The following GALE variants were observed in gnomAD, a reference collection of about 807,000 sequenced individuals.
GALE encodes the protein UDP-galactose-4-epimerase.
A neutral mutation model predicts 44.1 loss-of-function variants in GALE; 32 were observed. That is an observed-to-expected ratio of 0.73 (90% confidence interval 0.55 to 0.97). The LOEUF (loss-of-function observed/expected upper bound fraction) is 0.97, where lower values mean the gene tolerates loss of function less well. GALE is among the 50% of genes least tolerant of loss of function. The probability of loss-of-function intolerance (pLI) is 0.00; values close to 1 mark genes in which losing one functional copy is unlikely to be tolerated. For synonymous variants in GALE, 182 were observed against 183.5 expected (o/e 0.99, Z 0.06); for missense variants, 423 against 455.6 (o/e 0.93, Z 0.65).
chr1:23,796,570 G>A lies in GALE; in HGVS notation c.812C>T (p.Thr271Met), dbSNP rs756331486. 93 of 1,613,930 alleles carry A rather than the reference G, an allele frequency of 5.8e-5. No individual in the cohort carries two copies. Among genetic ancestry groups the A allele is most frequent in the Non-Finnish European group, 7.0e-5 (83 of 1,180,022 alleles). ...QCGCRIYNLG[T>M]GTGYSVLQMV... is the part of the protein sequence containing the mutation. The stretch of plus-strand genomic sequence containing the variant: ...CTGCAGCACTGAATAGCCTGTGCCC[G>A]TGCCCAGGTTGTAGATCTGGCCCAC... Residue 271 changes from threonine (T) to methionine (M), a missense_variant, in exon 10 of 12, where the codon ACG becomes ATG. Coordinates refer to ENST00000617979, the MANE Select transcript of GALE (RefSeq NM_001008216.2). The surrounding 1 kb of genome is among the most constrained non-coding windows in gnomAD (Gnocchi z 5.2).
In GALE at chr1:23,796,023, G is replaced by A. The variant is rs559590747; in HGVS notation, c.989-16C>T. ...AGATCCTCACCTGCAACACGGCGAGGTGTGTGCTCAGGGCCCACGGTGGAA... is the reference window on the plus strand; with the variant it reads ...AGATCCTCACCTGCAACACGGCGAGATGTGTGCTCAGGGCCCACGGTGGAA... On this transcript the variant is annotated splice_polypyrimidine_tract_variant and intron_variant, in intron 11 of 11. Transcript: ENST00000617979. This position sits in a 1 kb window ranked among gnomAD's most constrained non-coding sequence, Gnocchi z 5.2. The A allele has an allele frequency of 1.9e-6, 3 of 1,613,812 alleles. No homozygotes were observed. The highest frequency in any genetic ancestry group is 2.5e-6 in the Non-Finnish European group (3 of 1,179,856).
At position 23,798,193 on chromosome 1, in the gene GALE, T is replaced by C. The variant is rs1639022455; in HGVS notation, c.275A>G (p.Lys92Arg). 1 of 1,614,052 alleles carries C rather than the reference T, an allele frequency of 6.2e-7. No individual in the cohort carries two copies. Among genetic ancestry groups the C allele is most frequent in the Non-Finnish European group, 8.5e-7 (1 of 1,180,016 alleles). ...FMAVIHFAGL[K>R]AVGESVQKPL... The stretch of plus-strand genomic sequence containing the variant: ...CTTCTGCACCGACTCGCCCACGGCC[T>C]TGAGCCCCGCAAAGTGGATGACCGC... The change falls in exon 5 of 12, where the codon AAG (lysine) becomes AGG (arginine). Residue 92 changes from lysine to arginine, a missense_variant. Lys to Arg is a conservative substitution (Grantham distance 26). Coordinates refer to ENST00000617979, the MANE Select transcript of GALE (RefSeq NM_001008216.2). This position sits in a 1 kb window ranked among gnomAD's most constrained non-coding sequence, Gnocchi z 4.5.
At position 23,798,078 on chromosome 1, in the gene GALE, C is replaced by T. The variant is rs1639018459; in HGVS notation, c.351+39G>A. 2.0e-6 allele frequency: 3 copies of T among 1,530,050 alleles called. No individual in the cohort carries two copies. Among genetic ancestry groups the T allele is most frequent in the East Asian group, 2.2e-5 (1 of 44,498 alleles). The allele number at this position is 1,530,050 out of a possible 1,614,324, so 94.8% of individuals were successfully genotyped here. A position where few individuals can be genotyped will look rare whatever the true frequency, so the allele number is the denominator to read the frequency against. On this transcript the variant is annotated intron_variant, in intron 5 of 11. Coordinates refer to ENST00000617979, the MANE Select transcript of GALE (RefSeq NM_001008216.2). This position sits in a 1 kb window ranked among gnomAD's most constrained non-coding sequence, Gnocchi z 4.5. ...CCTGCCAGGCTGGGGTCCAGCTGGACACCCTCCTAGTGTCTGTGCCCTGTC... is the reference window on the plus strand; with the variant it reads ...CCTGCCAGGCTGGGGTCCAGCTGGATACCCTCCTAGTGTCTGTGCCCTGTC...
chr1:23,796,734 G>A lies in GALE; in HGVS notation c.758C>T (p.Ala253Val). The change falls in exon 9 of 12, where the codon GCA becomes GTA. Residue 253 changes from alanine (A) to valine (V), a missense_variant. Ala to Val is a moderately conservative substitution (Grantham distance 64). Transcript: ENST00000617979. This position sits in a 1 kb window ranked among gnomAD's most constrained non-coding sequence, Gnocchi z 5.2. ...HVVDLAKGHI[A>V]ALRKLKEQCG... ...CTGTTCTTTCAGCTTCCTTAAGGCT[G>A]CAATGTGGCCCTTGGCCAGATCCAC... 1.2e-6 allele frequency: 2 copies of A among 1,612,592 alleles called. No individual in the cohort carries two copies. Among genetic ancestry groups the A allele is most frequent in the Non-Finnish European group, 1.7e-6 (2 of 1,179,344 alleles).
chr1:23,796,426 TGAGTGGGAAGGGCCAAA>T lies in GALE; in HGVS notation c.873+66_873+82del. 1 of 1,454,868 alleles carries T rather than the reference TGAGTGGGAAGGGCCAAA, an allele frequency of 6.9e-7. No homozygotes were observed. The highest frequency in any genetic ancestry group is 2.2e-4 in the Middle Eastern group (1 of 4,512). 90.1% of individuals were successfully genotyped at this position (1,454,868 alleles called of 1,614,324 possible). A position where few individuals can be genotyped will look rare whatever the true frequency, so the allele number is the denominator to read the frequency against. ...CAGTGCCAGGTACCCTCCAGAGAGG[TGAGTGGGAAGGGCCAAA>T]GCTGCTCTGTTGCTGAGAGCTGGGT... On this transcript the variant is annotated intron_variant, in intron 10 of 11. Coordinates refer to ENST00000617979, the MANE Select transcript of GALE (RefSeq NM_001008216.2). The surrounding 1 kb of genome is among the most constrained non-coding windows in gnomAD (Gnocchi z 5.2).
At chr1:23,797,006 C>T in intron 7 of GALE, 28 bp downstream of exon 7, 1 of 1,607,732 alleles carries the variant, frequency 6.2e-7, no homozygotes, top group Non-Finnish European at 8.5e-7. Flanking sequence ...CCCAGGGCCA[C>T]TCCTCTGTCC....
chr1:23,798,307 T>A lies in GALE; in HGVS notation c.238-77A>T. The A allele has an allele frequency of 3.2e-6, 3 of 943,226 alleles. No homozygotes were observed. Among genetic ancestry groups the A allele is most frequent in the Non-Finnish European group, 4.9e-6 (3 of 615,274 alleles). The allele number at this position is 943,226 out of a possible 1,614,324, so 58.4% of individuals were successfully genotyped here. A position where few individuals can be genotyped will look rare whatever the true frequency, so the allele number is the denominator to read the frequency against. ...ATGCCCTCAGCCTGCCTGCCTGCAC[T>A]CACCTTTTTTTTTTTTTTTGACAGT... On this transcript the variant is annotated intron_variant, in intron 4 of 11. Transcript: ENST00000617979. This position sits in a 1 kb window ranked among gnomAD's most constrained non-coding sequence, Gnocchi z 4.5.
rs533553444 is a variant in GALE, at chr1:23,797,978, A to G, written c.352-107T>C. On this transcript the variant is annotated intron_variant, in intron 5 of 11. Transcript: ENST00000617979. ...TGAGGTGATGAGCACTCTCATTTAC[A>G]GATGGGGAAACTGAGACTGGGAGGT... 8.8e-6 allele frequency: 12 copies of G among 1,368,468 alleles called. No individual in the cohort carries two copies. In the East Asian group the frequency reaches 2.5e-4, roughly 29 times the overall value. 84.8% of individuals were successfully genotyped at this position (1,368,468 alleles called of 1,614,324 possible). A position where few individuals can be genotyped will look rare whatever the true frequency, so the allele number is the denominator to read the frequency against.
chr1:23,796,082 G>C lies in GALE; in HGVS notation c.988+69C>G. 3 of 1,603,280 alleles carry C rather than the reference G, an allele frequency of 1.9e-6. No homozygotes were observed. Among genetic ancestry groups the C allele is most frequent in the Non-Finnish European group, 2.6e-6 (3 of 1,170,780 alleles). On this transcript the variant is annotated intron_variant, in intron 11 of 11. Transcript: ENST00000617979. The surrounding 1 kb of genome is among the most constrained non-coding windows in gnomAD (Gnocchi z 5.2). ...CTCCCCCACCCCACAGCCCGCCCTG[G>C]GTGGGCATGCCCAGATCTGATTTAG...
In GALE at chr1:23,797,150, G is replaced by A. The variant is rs1570631824; in HGVS notation, c.529-3C>T. 1 of 1,599,362 alleles carries A rather than the reference G, an allele frequency of 6.3e-7. No individual in the cohort carries two copies. Among genetic ancestry groups the A allele is most frequent in the East Asian group, 2.2e-5 (1 of 44,572 alleles). ...CGCAGCAGCACTGCGTTCCAAGTCT[G>A]TGGGATGTGGGTCAGGTGGTGAGGC... On this transcript the variant is annotated splice_polypyrimidine_tract_variant and splice_region_variant and intron_variant, in intron 6 of 11. Coordinates refer to ENST00000617979, the MANE Select transcript of GALE (RefSeq NM_001008216.2).
At position 23,798,270 on chromosome 1, in the gene GALE, TA is replaced by T; in HGVS notation, c.238-41del. 6.7e-7 allele frequency: 1 copy of T among 1,491,030 alleles called. No individual in the cohort carries two copies. Among genetic ancestry groups the T allele is most frequent in the Non-Finnish European group, 9.4e-7 (1 of 1,068,786 alleles). The allele number at this position is 1,491,030 out of a possible 1,614,324, so 92.4% of individuals were successfully genotyped here. A position where few individuals can be genotyped will look rare whatever the true frequency, so the allele number is the denominator to read the frequency against. On this transcript the variant is annotated intron_variant, in intron 4 of 11. Transcript: ENST00000617979. The surrounding 1 kb of genome is among the most constrained non-coding windows in gnomAD (Gnocchi z 4.5). ...TGGCCAGAGGTTGCTCTACTGGTTT[TA>T]GTCCTTGGCAATGCCCTCAGCCTGC...
At chr1:23,797,221 A>G in intron 6 of GALE, 74 bp from the exon 7 acceptor site, 2 of 1,036,820 alleles carry the variant, frequency 1.9e-6, no homozygotes, top group Non-Finnish European at 2.9e-6. Context: ...AGCCCTCCTC[A>G]TGCCTATTCT....
chr1:23,796,697 C>T lies in GALE; in HGVS notation c.795G>A (p.Arg265=), dbSNP rs771159503. 1.9e-6 allele frequency: 3 copies of T among 1,613,394 alleles called. No homozygotes were observed. The highest frequency in any genetic ancestry group is 2.2e-5 in the East Asian group (1 of 44,876). ...LRKLKEQCGC[R]IYNLGTGTGY... ...CCTCACTTCTCCCTTCTCTTCCTAC[C>T]CGGCAGCCACACTGTTCTTTCAGCT... Residue 265 remains arginine, a splice_region_variant and synonymous_variant, in exon 9 of 12, where the codon CGG becomes CGA. Coordinates refer to ENST00000617979, the MANE Select transcript of GALE (RefSeq NM_001008216.2). This position sits in a 1 kb window ranked among gnomAD's most constrained non-coding sequence, Gnocchi z 5.2.
Position 23,797,875 on chromosome 1 carries a change from G to T in GALE, c.352-4C>A, listed in dbSNP as rs201805952. ...TCACCCCGTGGGCCTTCATGATCTG[G>T]CCGTGGAGAGATGGCATCAGTGACC... On this transcript the variant is annotated splice_polypyrimidine_tract_variant and splice_region_variant and intron_variant, in intron 5 of 11. Transcript: ENST00000617979. 2.5e-6 allele frequency: 4 copies of T among 1,614,012 alleles called. No homozygotes were observed. The African/African-American group carries it at 5.3e-5, about 22-fold the overall frequency.
rs3180549 is a variant in GALE, at chr1:23,796,881, C to T, written c.704G>A (p.Gly235Asp). 5 of 1,613,432 alleles carry T rather than the reference C, an allele frequency of 3.1e-6. No individual in the cohort carries two copies. The highest frequency in any genetic ancestry group is 1.7e-5 in the Admixed American group (1 of 59,894). ...CCCCCTGGTCCTAGGCTCACCTGTG[C>T]CATCCTCTGTGTCATAGTCATTGCC... ...VFGNDYDTED[G>D]TGVRDYIHVV... The change falls in exon 8 of 12, where the codon GGC becomes GAC. Residue 235 changes from glycine (G) to aspartate (D), a missense_variant. Coordinates refer to ENST00000617979, the MANE Select transcript of GALE (RefSeq NM_001008216.2). This position sits in a 1 kb window ranked among gnomAD's most constrained non-coding sequence, Gnocchi z 5.2.
At position 23,796,571 on chromosome 1, in the gene GALE, T is replaced by TG; in HGVS notation, c.810dup (p.Thr271HisfsTer33). On this transcript the variant is annotated frameshift_variant, in exon 10 of 12. Coordinates refer to ENST00000617979, the MANE Select transcript of GALE (RefSeq NM_001008216.2). LOFTEE classifies it high-confidence loss of function. The surrounding 1 kb of genome is among the most constrained non-coding windows in gnomAD (Gnocchi z 5.2). The stretch of plus-strand genomic sequence containing the variant: ...TGCAGCACTGAATAGCCTGTGCCCG[T>TG]GCCCAGGTTGTAGATCTGGCCCACG... The TG allele has an allele frequency of 6.2e-7, 1 of 1,614,110 alleles. No homozygotes were observed. Among genetic ancestry groups the TG allele is most frequent in the Non-Finnish European group, 8.5e-7 (1 of 1,180,012 alleles).
Position 23,798,178 on chromosome 1 carries a change from G to A in GALE, c.290C>T (p.Ser97Leu), listed in dbSNP as rs1245959586. The A allele has an allele frequency of 8.1e-6, 13 of 1,613,964 alleles. No homozygotes were observed. The highest frequency in any genetic ancestry group is 1.7e-5 in the Admixed American group (1 of 59,994). ...GTAATAATCCAGAGGCTTCTGCACCGACTCGCCCACGGCCTTGAGCCCCGC... is the reference window on the plus strand; with the variant it reads ...GTAATAATCCAGAGGCTTCTGCACCAACTCGCCCACGGCCTTGAGCCCCGC... ...HFAGLKAVGESVQKPLDYYRV... is the reference protein window; with the variant it reads ...HFAGLKAVGELVQKPLDYYRV... The change falls in exon 5 of 12, where the codon TCG (serine) becomes TTG (leucine). Residue 97 changes from serine (S) to leucine (L), a missense_variant. By Grantham distance (145) the Ser-to-Leu change is moderately radical. Coordinates refer to ENST00000617979, the MANE Select transcript of GALE (RefSeq NM_001008216.2). This position sits in a 1 kb window ranked among gnomAD's most constrained non-coding sequence, Gnocchi z 4.5.
Position 23,798,641 on chromosome 1 carries a change from C to T in GALE, c.211G>A (p.Gly71Arg). The T allele has an allele frequency of 6.2e-7, 1 of 1,613,870 alleles. No individual in the cohort carries two copies. Among genetic ancestry groups the T allele is most frequent in the Non-Finnish European group, 8.5e-7 (1 of 1,179,838 alleles). ...EFEEMDILDQGALQRLFKKYS... is the reference protein window; with the variant it reads ...EFEEMDILDQRALQRLFKKYS... ...TTTTTGAAGAGACGCTGTAGGGCTCCCTGGTCCAAAATGTCCATCTCCTCA... is the reference window on the plus strand; with the variant it reads ...TTTTTGAAGAGACGCTGTAGGGCTCTCTGGTCCAAAATGTCCATCTCCTCA... The change falls in exon 4 of 12, where the codon GGA becomes AGA. Residue 71 changes from glycine to arginine, a missense_variant. Coordinates refer to ENST00000617979, the MANE Select transcript of GALE (RefSeq NM_001008216.2). This position sits in a 1 kb window ranked among gnomAD's most constrained non-coding sequence, Gnocchi z 4.5.
At position 23,798,441 on chromosome 1, in the gene GALE, A is replaced by G; in HGVS notation, c.237+174T>C. 1.4e-6 allele frequency: 1 copy of G among 694,394 alleles called. No individual in the cohort carries two copies. The highest frequency in any genetic ancestry group is 2.6e-6 in the Non-Finnish European group (1 of 391,844). The allele number at this position is 694,394 out of a possible 1,614,324, so 43.0% of individuals were successfully genotyped here. ...CATGCCAGCCTCCCGAGTAGCTGGG[A>G]CCACAGGTATGGGCTACCATGCCCA... On this transcript the variant is annotated intron_variant, in intron 4 of 11. Coordinates refer to ENST00000617979, the MANE Select transcript of GALE (RefSeq NM_001008216.2). The surrounding 1 kb of genome is among the most constrained non-coding windows in gnomAD (Gnocchi z 4.5).
Sources: allele counts gnomAD v4.1 joint callset, GRCh38; gene constraint gnomAD v4.1.1; non-coding constraint Gnocchi (gnomAD v3.1); transcripts MANE v1.5; gene names NCBI Gene and HGNC (gene_info 2026-07-23, HGNC 2026-07-21).